Variants in MYORG observed in about 807,000 individuals in gnomAD.
MYORG encodes myogenesis regulating glycosidase, also known as alpha-galactosidase MYORG.
A neutral mutation model predicts 49.8 loss-of-function variants in MYORG; 45 were observed. That is an observed-to-expected ratio of 0.90 (90% CI 0.71 to 1.16). The LOEUF (loss-of-function observed/expected upper bound fraction) is 1.16. Among genes scored for constraint, MYORG ranks in the 50% most tolerant of loss-of-function variants. MYORG has a pLI of 0.00. For missense variants in MYORG, 1,110 were observed against 1,026.5 expected, an observed-to-expected ratio of 1.08 and a Z score of -1.11; for synonymous variants, 552 against 462.9, an observed-to-expected ratio of 1.19 and a Z score of -2.47.
At position 34,367,532 on chromosome 9, in the gene MYORG, C is replaced by T. The variant is rs1174548255; in HGVS notation, c.*3267G>A. 1 of 152,194 alleles carries T rather than the reference C, an allele frequency of 6.6e-6. No homozygotes were observed. Among genetic ancestry groups the T allele is most frequent in the Non-Finnish European group, 1.5e-5 (1 of 68,046 alleles). 9.4% of individuals were successfully genotyped at this position (152,194 alleles called of 1,614,324 possible). ...AGGCATTGGCTAAATACACCCATTTCAAGTGGGAGAAGTTGGCCAAAACGA... is the reference window on the plus strand; with the variant it reads ...AGGCATTGGCTAAATACACCCATTTTAAGTGGGAGAAGTTGGCCAAAACGA... On this transcript the variant is annotated 3_prime_UTR_variant, in exon 2 of 2. Transcript: ENST00000297625.
In MYORG at chr9:34,371,355, C is replaced by T. The variant is rs772605360; in HGVS notation, c.1589G>A (p.Gly530Glu). The T allele has an allele frequency of 2.5e-6, 4 of 1,613,042 alleles. No homozygotes were observed. The highest frequency in any genetic ancestry group is 3.4e-6 in the Non-Finnish European group (4 of 1,179,700). The stretch of plus-strand genomic sequence containing the variant: ...CACCGCGGGGATGAGTGAGCGCAAC[C>T]CCAGGTCGTAGCCCCACACAGAGTC... ...DRDSVWGYDL[G>E]LRSLIPAVLT... Residue 530 changes from glycine (G) to glutamate (E), a missense_variant, in exon 2 of 2, where the codon GGG becomes GAG. Gly to Glu is a moderately conservative substitution (Grantham distance 98). Transcript: ENST00000297625.
In MYORG at chr9:34,371,113, G is replaced by T; in HGVS notation, c.1831C>A (p.Arg611=). ...AACAGCGGTGCCACAAGCGAGGCCC[G>T]CAGGGCGGCGAACTTCTGCGCGATG... is the stretch of plus-strand genomic sequence containing the variant. ...VAIAQKFAAL[R]ASLVAPLLLE... Residue 611 remains arginine, a synonymous_variant, in exon 2 of 2, where the codon CGG becomes AGG. Transcript: ENST00000297625. 1 of 1,607,790 alleles carries T rather than the reference G, an allele frequency of 6.2e-7. No homozygotes were observed. Among genetic ancestry groups the T allele is most frequent in the East Asian group, 2.2e-5 (1 of 44,670 alleles).
rs765512216 is a variant in MYORG, at chr9:34,370,903, T to C, written c.2041A>G (p.Lys681Glu). 3.1e-6 allele frequency: 5 copies of C among 1,613,328 alleles called. No homozygotes were observed. Among genetic ancestry groups the C allele is most frequent in the Non-Finnish European group, 4.2e-6 (5 of 1,179,548 alleles). The change falls in exon 2 of 2, where the codon AAG (lysine) becomes GAG (glutamate). Residue 681 changes from lysine to glutamate, a missense_variant. Lys to Glu is a moderately conservative substitution (Grantham distance 56). Transcript: ENST00000297625. ...AGCTCACCCTTGTAGCTGCGCCACT[T>C]GCCGGCGGGCAAATAGACGTCGCGC... Reference protein sequence around the residue: ...QERDVYLPAGKWRSYKGELFD... With the variant: ...QERDVYLPAGEWRSYKGELFD...
In MYORG at chr9:34,367,015, G is replaced by A. The variant is rs1311747486; in HGVS notation, c.*3784C>T. ...ACTGGGTAATTTATGAAGAAAAAGAGGTTTAATGAACTCACAGTTCCATGT... is the reference window on the plus strand; with the variant it reads ...ACTGGGTAATTTATGAAGAAAAAGAAGTTTAATGAACTCACAGTTCCATGT... On this transcript the variant is annotated 3_prime_UTR_variant, in exon 2 of 2. Coordinates refer to ENST00000297625, the MANE Select transcript of MYORG (RefSeq NM_020702.5). The A allele has an allele frequency of 6.5e-6, 1 of 152,796 alleles. No individual in the cohort carries two copies. The highest frequency in any genetic ancestry group is 1.5e-5 in the Non-Finnish European group (1 of 68,520). 9.5% of individuals were successfully genotyped at this position (152,796 alleles called of 1,614,324 possible).
chr9:34,371,429 T>C lies in MYORG; in HGVS notation c.1515A>G (p.Val505=), dbSNP rs372614409. 37 of 1,613,006 alleles carry C rather than the reference T, an allele frequency of 2.3e-5. No individual in the cohort carries two copies. The highest frequency in any genetic ancestry group is 1.6e-4 in the Middle Eastern group (1 of 6,084). ...AGGAGATGTTCTGTGACTGGTAGCC[T>C]ACGCGCACCTCCGCCAGCGAGAAGA... The part of the protein sequence containing the change: ...LPFFSLAEVR[V]GYQSQNISCF... Residue 505 remains valine (V), a synonymous_variant, in exon 2 of 2, where the codon GTA becomes GTG. Transcript: ENST00000297625.
In MYORG at chr9:34,371,013, T is replaced by C; in HGVS notation, c.1931A>G (p.Asp644Gly). 6.2e-7 allele frequency: 1 copy of C among 1,613,238 alleles called. No individual in the cohort carries two copies. Among genetic ancestry groups the C allele is most frequent in the Non-Finnish European group, 8.5e-7 (1 of 1,179,870 alleles). ...CGAGTCGATACGGTGAGCTGTCTCG[T>C]CGCCGGGCGCAATCCACCAAAGGGG... ...VRPLWWIAPG[D>G]ETAHRIDSQF... The change falls in exon 2 of 2, where the codon GAC becomes GGC. Residue 644 changes from aspartate (D) to glycine (G), a missense_variant. Coordinates refer to ENST00000297625, the MANE Select transcript of MYORG (RefSeq NM_020702.5).
rs1179230209 is a variant in MYORG at position 34,367,348 on chromosome 9, T to G, written c.*3451A>C. ...TCATGTCCTCTCATTTAAAAATCAATCATGCCTTCCCAACAGTCCCCCAAA... is the reference window on the plus strand; with the variant it reads ...TCATGTCCTCTCATTTAAAAATCAAGCATGCCTTCCCAACAGTCCCCCAAA... On this transcript the variant is annotated 3_prime_UTR_variant, in exon 2 of 2. Transcript: ENST00000297625. 1 of 152,120 alleles carries G rather than the reference T, an allele frequency of 6.6e-6. No homozygotes were observed. Among genetic ancestry groups the G allele is most frequent in the Non-Finnish European group, 1.5e-5 (1 of 68,026 alleles). The allele number at this position is 152,120 out of a possible 1,614,324, so 9.4% of individuals were successfully genotyped here.
rs1177013372 is a variant in MYORG, at chr9:34,370,745, T to G, written c.*54A>C. On this transcript the variant is annotated 3_prime_UTR_variant, in exon 2 of 2. Transcript: ENST00000297625. ...TACATGGTGCGGGTGTGACGGAGGGTTCAAGGTCTGCATGAAGACTGGGGG... is the reference window on the plus strand; with the variant it reads ...TACATGGTGCGGGTGTGACGGAGGGGTCAAGGTCTGCATGAAGACTGGGGG... 25 of 1,502,808 alleles carry G rather than the reference T, an allele frequency of 1.7e-5. No homozygotes were observed. The highest frequency in any genetic ancestry group is 2.2e-5 in the Admixed American group (1 of 46,422). The allele number at this position is 1,502,808 out of a possible 1,614,324, so 93.1% of individuals were successfully genotyped here.
rs1233251019 is a variant in MYORG at position 34,368,480 on chromosome 9, C to G, written c.*2319G>C. The G allele has an allele frequency of 6.6e-6, 1 of 152,336 alleles. No homozygotes were observed. Among genetic ancestry groups the G allele is most frequent in the Non-Finnish European group, 1.5e-5 (1 of 68,144 alleles). 9.4% of individuals were successfully genotyped at this position (152,336 alleles called of 1,614,324 possible). ...CAGCACCCAAGTCACCTCATGAATG[C>G]TTTGCTGCTTAGAAATTTCTTCTGC... On this transcript the variant is annotated 3_prime_UTR_variant, in exon 2 of 2. Coordinates refer to ENST00000297625, the MANE Select transcript of MYORG (RefSeq NM_020702.5).
chr9:34,371,724 T>G lies in MYORG; in HGVS notation c.1220A>C (p.Glu407Ala). 6.2e-7 allele frequency: 1 copy of G among 1,612,118 alleles called. No homozygotes were observed. Among genetic ancestry groups the G allele is most frequent in the South Asian group, 1.1e-5 (1 of 90,906 alleles). ...YNSSRFGEGV[E>A]RELFVREPTG... Reference sequence around the variant, plus strand: ...GGGTTCGCGCACGAACAGCTCGCGCTCCACGCCCTCGCCGAAGCGCGACGA... The same window carrying G: ...GGGTTCGCGCACGAACAGCTCGCGCGCCACGCCCTCGCCGAAGCGCGACGA... Residue 407 changes from glutamate to alanine, a missense_variant, in exon 2 of 2, where the codon GAG becomes GCG. Physicochemically the swap from Glu to Ala is moderately radical, Grantham distance 107 (BLOSUM62 -1). Transcript: ENST00000297625.
chr9:34,371,794 C>T lies in MYORG; in HGVS notation c.1150G>A (p.Gly384Ser), dbSNP rs1301779887. 1.9e-6 allele frequency: 3 copies of T among 1,613,812 alleles called. No homozygotes were observed. The highest frequency in any genetic ancestry group is 2.7e-5 in the African/African-American group (2 of 74,948). ...TGCACCCAGAGCGTGACGCGGAAGC[C>T]GGCGTCGCGCAGGCGGCGGAACATG... ...SDMFRRLRDA[G>S]FRVTLWVHPF... Residue 384 changes from glycine to serine, a missense_variant, in exon 2 of 2, where the codon GGC becomes AGC. Transcript: ENST00000297625.
At position 34,372,826 on chromosome 9, in the gene MYORG, G is replaced by T; in HGVS notation, c.118C>A (p.Pro40Thr). Reference protein sequence around the residue: ...IAAAAMYTFLPDNFSPAKPKP... With the variant: ...IAAAAMYTFLTDNFSPAKPKP... The stretch of plus-strand genomic sequence containing the variant: ...GGCTTGGCAGGTGAGAAGTTGTCGG[G>T]CAGGAAGGTGTACATAGCTGCGGCT... The change falls in exon 2 of 2, where the codon CCC (proline) becomes ACC (threonine). Residue 40 changes from proline (P) to threonine (T), a missense_variant. Physicochemically the swap from Pro to Thr is conservative, Grantham distance 38. Transcript: ENST00000297625. The T allele has an allele frequency of 6.2e-7, 1 of 1,614,058 alleles. No individual in the cohort carries two copies. The highest frequency in any genetic ancestry group is 1.1e-5 in the South Asian group (1 of 91,086).
rs1369101076 is a variant in MYORG at position 34,372,209 on chromosome 9, G to A, written c.735C>T (p.Phe245=). ...AAIKVNDSVP[F]HLGWNSTERS... ...GCTCCGTGCTGTTCCAGCCCAGGTG[G>A]AAGGGCACTGAGTCATTGACTTTGA... is the stretch of plus-strand genomic sequence containing the variant. Residue 245 remains phenylalanine (F), a synonymous_variant, in exon 2 of 2, where the codon TTC becomes TTT. Coordinates refer to ENST00000297625, the MANE Select transcript of MYORG (RefSeq NM_020702.5). The A allele has an allele frequency of 1.2e-6, 2 of 1,611,848 alleles. No individual in the cohort carries two copies. The highest frequency in any genetic ancestry group is 2.7e-5 in the African/African-American group (2 of 74,924).
chr9:34,372,312 G>T lies in MYORG; in HGVS notation c.632C>A (p.Thr211Asn). 6.2e-7 allele frequency: 1 copy of T among 1,609,136 alleles called. No homozygotes were observed. Among genetic ancestry groups the T allele is most frequent in the Non-Finnish European group, 8.5e-7 (1 of 1,178,214 alleles). The change falls in exon 2 of 2, where the codon ACC (threonine) becomes AAC (asparagine). Residue 211 changes from threonine (T) to asparagine (N), a missense_variant. Thr to Asn is a moderately conservative substitution (Grantham distance 65). Transcript: ENST00000297625. ...GGCGTCGGAGGAGTAGACATCGCTG[G>T]TGACGAACGGCTGGGGCTCCTGCTG... ...DGQQEPQPFV[T>N]SDVYSSDAAF...
intron 1 of MYORG, among the ~76,000 whole-genome samples, chr9:34,375,721 G>T (rs1286478415): frequency 6.6e-6 from 1 of 152,192 alleles, no homozygotes; most frequent in African/African-American, 2.4e-5. Context: ...GGCCACCAAG[G>T]TGGATTCAAA....
rs376703595 is a variant in MYORG, at chr9:34,372,776, C to T, written c.168G>A (p.Pro56=). 9.3e-6 allele frequency: 15 copies of T among 1,613,862 alleles called. No homozygotes were observed. In the African/African-American group the frequency reaches 9.3e-5, roughly 10 times the overall value. ...AKPKPSKDLK[P]LLGSAVLGLL... is the part of the protein sequence containing the mutation. ...GCCCCAGAACCGCGGAGCCCAGCAG[C>T]GGCTTCAGGTCTTTGGAAGGCTTGG... Residue 56 remains proline, a synonymous_variant, in exon 2 of 2, where the codon CCG becomes CCA. Transcript: ENST00000297625.
At position 34,371,885 on chromosome 9, in the gene MYORG, G is replaced by T. The variant is rs1482645693; in HGVS notation, c.1059C>A (p.Asp353Glu). 6.2e-7 allele frequency: 1 copy of T among 1,614,062 alleles called. No homozygotes were observed. Among genetic ancestry groups the T allele is most frequent in the African/African-American group, 1.3e-5 (1 of 75,074 alleles). The change falls in exon 2 of 2, where the codon GAC (aspartate) becomes GAA (glutamate). Residue 353 changes from aspartate to glutamate, a missense_variant. Transcript: ENST00000297625. ...CGCCATAAGCAGGTGTGTACATGTC[G>T]TCGATTTCCAGGTGGCTGCTGTTGA... ...HHFNSSHLEI[D>E]DMYTPAYGDF...
At position 34,371,507 on chromosome 9, in the gene MYORG, C is replaced by A; in HGVS notation, c.1437G>T (p.Pro479=). Residue 479 remains proline (P), a synonymous_variant, in exon 2 of 2, where the codon CCG becomes CCT. Coordinates refer to ENST00000297625, the MANE Select transcript of MYORG (RefSeq NM_020702.5). ...YLPRDFSTYR[P]LPDPSVWSRR... Reference sequence around the variant, plus strand: ...GGCTCCAGACGCTGGGGTCCGGCAGCGGCCGGTAGGTGCTGAAGTCCCGCG... The same window carrying A: ...GGCTCCAGACGCTGGGGTCCGGCAGAGGCCGGTAGGTGCTGAAGTCCCGCG... The A allele has an allele frequency of 6.2e-7, 1 of 1,609,824 alleles. No homozygotes were observed. Among genetic ancestry groups the A allele is most frequent in the South Asian group, 1.1e-5 (1 of 90,992 alleles).
Position 34,372,239 on chromosome 9 carries a change from G to C in MYORG, c.705C>G (p.Ala235=). 1.2e-6 allele frequency: 2 copies of C among 1,610,648 alleles called. No homozygotes were observed. Among genetic ancestry groups the C allele is most frequent in the Non-Finnish European group, 1.7e-6 (2 of 1,179,014 alleles). Residue 235 remains alanine (A), a synonymous_variant, in exon 2 of 2, where the codon GCC becomes GCG. Transcript: ENST00000297625. ...LERYWLSSRA[A]AIKVNDSVPF... is the part of the protein sequence containing the mutation. ...GCACTGAGTCATTGACTTTGATGGC[G>C]GCCGCGCGCGAAGATAGCCAGTAGC...
Sources: allele counts gnomAD v4.1 joint callset (sites outside exome capture counted in the v4.1 genomes callset), GRCh38; gene constraint gnomAD v4.1.1; transcripts MANE v1.5; gene names NCBI Gene and HGNC (gene_info 2026-07-23, HGNC 2026-07-21).